Variants in PLSCR4 observed in about 807,000 individuals in gnomAD.
PLSCR4 encodes phospholipid scramblase 4.
PLSCR4 carries 25 observed loss-of-function variants against 36.3 expected under a neutral mutation model. The observed-to-expected ratio is 0.69, with a 90% CI of 0.50 to 0.96. PLSCR4 has a LOEUF of 0.96. Among genes scored for constraint, PLSCR4 ranks in the 40% least tolerant of loss-of-function variants. The pLI is 0.00. For synonymous variants in PLSCR4, 122 were observed against 132.9 expected (o/e 0.92, Z 0.56); for missense variants, 408 against 414.7 (o/e 0.98, Z 0.14).
chr3:146,204,688 GA>G (rs1397477302), intron 4 of PLSCR4, among the ~76,000 whole-genome samples: 1 of 151,770 alleles, frequency 6.6e-6, no homozygotes, highest in Non-Finnish European at 1.5e-5. Context: ...AAGAAATTAA[GA>G]AACAAGTTTT....
intron 3 of PLSCR4, 25 bp downstream of exon 3, chr3:146,220,790 T>C: frequency 4.4e-6 from 6 of 1,377,606 alleles, no homozygotes; most frequent in African/African-American, 1.4e-5. Context: ...CAAAGGAGAA[T>C]ATCTTTTATG....
At chr3:146,220,215 C>T (rs2035073886) in intron 3 of PLSCR4, among the ~76,000 whole-genome samples, 1 of 152,130 alleles carries the variant, frequency 6.6e-6, no homozygotes. Flanking sequence ...CATAATATCT[C>T]AAATTCACAC....
intron 3 of PLSCR4, among the ~76,000 whole-genome samples, chr3:146,216,559 T>G (rs969719110): frequency 3.3e-5 from 5 of 152,202 alleles, no homozygotes; most frequent in Admixed American, 6.5e-5. Context: ...TAGTAGATAC[T>G]ATTATTATCC....
At chr3:146,237,277 A>G (rs1056925127) in intron 1 of PLSCR4, among the ~76,000 whole-genome samples, 1 of 152,174 alleles carries the variant, frequency 6.6e-6, no homozygotes, top group Non-Finnish European at 1.5e-5. Flanking sequence ...TCAGGAAGAT[A>G]TAACAATTAC....
chr3:146,211,995 AT>A (rs1240256174), intron 3 of PLSCR4, among the ~76,000 whole-genome samples: 2 of 151,268 alleles, frequency 1.3e-5, no homozygotes, highest in African/African-American at 2.4e-5. Context: ...GAGTCCTCCA[AT>A]TTTTTTTCAA....
At chr3:146,206,228 C>T (rs1178505869) in intron 4 of PLSCR4, among the ~76,000 whole-genome samples, 1 of 152,002 alleles carries the variant, frequency 6.6e-6, no homozygotes, top group Non-Finnish European at 1.5e-5. Flanking sequence ...CACAACTATC[C>T]TCTATGATAG....
At chr3:146,223,333 G>C (rs1197442787) in intron 1 of PLSCR4, among the ~76,000 whole-genome samples, 1 of 152,068 alleles carries the variant, frequency 6.6e-6, no homozygotes, top group Non-Finnish European at 1.5e-5. Context: ...ATAACAAAAA[G>C]AGTATCAACA....
At chr3:146,213,749 ATTGT>A (rs1487726244) in intron 3 of PLSCR4, among the ~76,000 whole-genome samples, 3 of 152,126 alleles carry the variant, frequency 2.0e-5, no homozygotes, top group Non-Finnish European at 4.4e-5. Flanking sequence ...GTCAATTTCA[ATTGT>A]TTGTATCTTT....
chr3:146,216,681 C>T (rs2034906178), intron 3 of PLSCR4, among the ~76,000 whole-genome samples: 1 of 152,076 alleles, frequency 6.6e-6, no homozygotes, highest in East Asian at 1.9e-4. Context: ...ACTGCAGAAA[C>T]GTCCTTAAAT....
intron 4 of PLSCR4, among the ~76,000 whole-genome samples, chr3:146,205,352 A>G (rs1443622515): frequency 2.6e-5 from 4 of 151,966 alleles, no homozygotes; most frequent in African/African-American, 7.2e-5. Flanking sequence ...TTTCATGGAC[A>G]TATTAATTTT....
At chr3:146,224,006 C>T (rs1335832068) in intron 1 of PLSCR4, among the ~76,000 whole-genome samples, 3 of 149,590 alleles carry the variant, frequency 2.0e-5, no homozygotes, top group Non-Finnish European at 4.4e-5. Flanking sequence ...AAAAGTCAGA[C>T]CCAATTCTGG....
chr3:146,218,847 T>C (rs1190124528), intron 3 of PLSCR4, among the ~76,000 whole-genome samples: 1 of 152,218 alleles, frequency 6.6e-6, no homozygotes, highest in East Asian at 1.9e-4. Flanking sequence ...CAGGAAATCA[T>C]GCCATTTTCT....
chr3:146,203,950 A>G (rs533650659), intron 4 of PLSCR4, among the ~76,000 whole-genome samples: 2 of 152,156 alleles, frequency 1.3e-5, no homozygotes, highest in Admixed American at 6.6e-5. Flanking sequence ...CTTTTGGCCT[A>G]TCTCAACTTT....
intron 7 of PLSCR4, among the ~76,000 whole-genome samples, chr3:146,196,120 AT>A (rs1559895784): frequency 6.6e-6 from 1 of 152,140 alleles, no homozygotes; most frequent in Non-Finnish European, 1.5e-5. Flanking sequence ...TTTTCTTTTT[AT>A]TGAAAAAAAT....
At chr3:146,215,527 A>G (rs1487338274) in intron 3 of PLSCR4, among the ~76,000 whole-genome samples, 3 of 152,190 alleles carry the variant, frequency 2.0e-5, no homozygotes, top group Admixed American at 2.0e-4. Context: ...TTTTCTCTGT[A>G]GATTTCCACC....
At position 146,222,847 on chromosome 3, in the gene PLSCR4, T is replaced by A. The variant is rs141307196; in HGVS notation, c.-21-755A>T. Among the ~76,000 whole-genome samples, 206 of 152,152 alleles carry A rather than the reference T, an allele frequency of 1.4e-3. 1 individual carries two copies. Among genetic ancestry groups the A allele is most frequent in the Non-Finnish European group, 2.3e-3 (159 of 67,988 alleles). On this transcript the variant is annotated intron_variant, in intron 1 of 8. Coordinates refer to ENST00000354952, the MANE Select transcript of PLSCR4 (RefSeq NM_020353.3). The stretch of plus-strand genomic sequence containing the variant: ...TGAGGGATGGCAGCAGCAATCCAGG[T>A]GAGAGCTGACACCAGCTTAGATGGG...
intron 6 of PLSCR4, among the ~76,000 whole-genome samples, chr3:146,197,669 G>T (rs527685134): frequency 6.6e-6 from 1 of 152,064 alleles, no homozygotes; most frequent in South Asian, 2.1e-4. Flanking sequence ...GAATAATTAA[G>T]ATCTTCCTGT....
intron 1 of PLSCR4, among the ~76,000 whole-genome samples, chr3:146,244,135 C>T (rs778443161): frequency 5.3e-5 from 8 of 152,196 alleles, no homozygotes; most frequent in South Asian, 2.1e-4. Flanking sequence ...ATGATGGTGA[C>T]GTCAAATAAC....
intron 1 of PLSCR4, among the ~76,000 whole-genome samples, chr3:146,237,309 T>C (rs1021751305): frequency 6.6e-6 from 1 of 152,126 alleles, no homozygotes; most frequent in Non-Finnish European, 1.5e-5. Flanking sequence ...CACATCACAA[T>C]ACAGCCTGAA....
Sources: gnomAD v4.1 joint callset for allele counts (sites outside exome capture counted in the v4.1 genomes callset) on GRCh38, gnomAD v4.1.1 for gene constraint, MANE v1.5 for transcripts, NCBI Gene and HGNC (gene_info 2026-07-23, HGNC 2026-07-21) for gene names.